GSTA4: variants seen among roughly 807,000 people sequenced by gnomAD.
GSTA4 encodes the protein glutathione S-transferase alpha 4, also known as glutathione S-transferase A4.
Under a neutral mutation model 24.4 loss-of-function variants are expected in GSTA4, and 15 were observed. That is an observed-to-expected ratio of 0.61 (90% CI 0.41 to 0.95). GSTA4 has a LOEUF of 0.95. Among genes scored for constraint, GSTA4 ranks in the 40% least tolerant of loss-of-function variants. The probability of loss-of-function intolerance (pLI) is 0.00; values close to 1 mark genes in which losing one functional copy is unlikely to be tolerated. For missense variants in GSTA4, 244 were observed against 262.1 expected (o/e 0.93, Z 0.48); for synonymous variants, 92 against 94.2 (o/e 0.98, Z 0.13).
At chr6:52,987,236 T>C in intron 3 of GSTA4, 121 bp downstream of exon 3, 1 of 660,046 alleles carries the variant, frequency 1.5e-6, no homozygotes, top group Non-Finnish European at 2.7e-6. Context: ...TCTTGCTTTT[T>C]TTGGTTTTAG....
chr6:52,982,896 A>C (rs928475313), intron 5 of GSTA4, among the ~76,000 whole-genome samples, 191 bp from the exon 6 acceptor site: 1 of 150,360 alleles, frequency 6.7e-6, no homozygotes, highest in African/African-American at 2.4e-5. Flanking sequence ...AGAGAGAGAG[A>C]GAGAGAGCGA....
Position 52,994,409 on chromosome 6 carries a change from A to G in GSTA4, c.-18-148T>C, listed in dbSNP as rs190029506. On this transcript the variant is annotated intron_variant, in intron 1 of 6. Coordinates refer to ENST00000370963, the MANE Select transcript of GSTA4 (RefSeq NM_001512.4). ...TTGCTGCATTTTCCCTCACTCAAGA[A>G]AAAAAAACCACCATTTTAAAACATG... is the stretch of plus-strand genomic sequence containing the variant. 1.5e-5 allele frequency: 8 copies of G among 549,910 alleles called. No individual in the cohort carries two copies. In the Admixed American group the frequency reaches 2.5e-4, roughly 17 times the overall value. The allele number at this position is 549,910 out of a possible 1,614,324, so 34.1% of individuals were successfully genotyped here. A position where few individuals can be genotyped will look rare whatever the true frequency, so the allele number is the denominator to read the frequency against.
chr6:52,991,801 AGG>A, intron 2 of GSTA4, among the ~76,000 whole-genome samples: 1 of 135,582 alleles, frequency 7.4e-6, no homozygotes, highest in East Asian at 2.1e-4. Flanking sequence ...TCTGTTGTCC[AGG>A]CTGGAATGCA....
intron 2 of GSTA4, among the ~76,000 whole-genome samples, chr6:52,990,194 A>T (rs963406244): frequency 1.3e-5 from 2 of 152,204 alleles, no homozygotes; most frequent in Non-Finnish European, 2.9e-5. Flanking sequence ...TGATGACTCA[A>T]ATTAAGTGAC....
rs1763387042 is a variant in GSTA4 at position 52,978,504 on chromosome 6, T to A, written c.635A>T (p.Tyr212Phe). The part of the protein sequence containing the change: ...SKKKPPPDEI[Y>F]VRTVYNIFRP ...AAAGATGTTGTAGACGGTTCTCACATAAATTTCATCAGGGGGAGGCTTCTT... is the reference window on the plus strand; with the variant it reads ...AAAGATGTTGTAGACGGTTCTCACAAAAATTTCATCAGGGGGAGGCTTCTT... The change falls in exon 7 of 7, where the codon TAT (tyrosine) becomes TTT (phenylalanine). Residue 212 changes from tyrosine (Y) to phenylalanine (F), a missense_variant. Tyr to Phe is a conservative substitution (Grantham distance 22). Transcript: ENST00000370963. 6.2e-7 allele frequency: 1 copy of A among 1,613,714 alleles called. No homozygotes were observed. Among genetic ancestry groups the A allele is most frequent in the Middle Eastern group, 1.6e-4 (1 of 6,062 alleles).
intron 6 of GSTA4, among the ~76,000 whole-genome samples, chr6:52,979,996 T>C (rs561640994): frequency 1.3e-5 from 2 of 152,332 alleles, no homozygotes; most frequent in East Asian, 1.9e-4. Flanking sequence ...AATAACCCTT[T>C]AAATTCAACA....
chr6:52,985,354 T>C (rs1763530503), intron 4 of GSTA4, 97 bp downstream of exon 4: 2 of 1,186,354 alleles, frequency 1.7e-6, no homozygotes, highest in Middle Eastern at 2.5e-4. Context: ...ACTAACTATG[T>C]AAGACATAAA....
In GSTA4 at chr6:52,984,666, A is replaced by T; in HGVS notation, c.273-61T>A. 2.1e-6 allele frequency: 3 copies of T among 1,432,892 alleles called. No homozygotes were observed. The South Asian group carries it at 3.7e-5, about 18-fold the overall frequency. 88.8% of individuals were successfully genotyped at this position (1,432,892 alleles called of 1,614,324 possible). A position where few individuals can be genotyped will look rare whatever the true frequency, so the allele number is the denominator to read the frequency against. On this transcript the variant is annotated intron_variant, in intron 4 of 6. Coordinates refer to ENST00000370963, the MANE Select transcript of GSTA4 (RefSeq NM_001512.4). ...CTCTTTGAAGCCATCAGTTTCCACA[A>T]CTAAGAATTCAGAGTGCTTTTTTTT...
At chr6:52,985,883 T>A (rs1004759121) in intron 3 of GSTA4, among the ~76,000 whole-genome samples, 1 of 152,162 alleles carries the variant, frequency 6.6e-6, no homozygotes, top group East Asian at 1.9e-4. Context: ...AAACCCCGCC[T>A]CTACTAGATA....
intron 6 of GSTA4, among the ~76,000 whole-genome samples, chr6:52,979,525 C>A (rs12524274): frequency 0.073 from 11,146 of 152,166 alleles, 437 homozygotes; most frequent in Middle Eastern, 0.12. Context: ...CAAATCTTAC[C>A]AATTCTCAGT....
intron 2 of GSTA4, among the ~76,000 whole-genome samples, chr6:52,991,422 G>A (rs1763659307): frequency 6.6e-6 from 1 of 152,116 alleles, no homozygotes; most frequent in Non-Finnish European, 1.5e-5. Context: ...CACTGAAAAC[G>A]AGACAACCCC....
At chr6:52,986,485 C>T (rs1467850000) in intron 3 of GSTA4, among the ~76,000 whole-genome samples, 3 of 152,192 alleles carry the variant, frequency 2.0e-5, no homozygotes, top group Non-Finnish European at 4.4e-5. Context: ...AGCCACAGAA[C>T]AGACCGTTTA....
At chr6:52,994,611 A>G (rs2127389306) in intron 1 of GSTA4, among the ~76,000 whole-genome samples, 1 of 152,084 alleles carries the variant, frequency 6.6e-6, no homozygotes, top group Non-Finnish European at 1.5e-5. Flanking sequence ...CAGCTGGGGG[A>G]TAGGGGGTGG....
intron 2 of GSTA4, 42 bp downstream of exon 2, chr6:52,994,115 A>C (rs1443380512): frequency 7.7e-7 from 1 of 1,303,738 alleles, no homozygotes; most frequent in Admixed American, 1.7e-5. Context: ...AAGGTCTCAA[A>C]AGCTGTATGA....
In GSTA4 at chr6:52,981,996, C is replaced by G. The variant is rs187667014; in HGVS notation, c.546+578G>C. On this transcript the variant is annotated intron_variant, in intron 6 of 6. Coordinates refer to ENST00000370963, the MANE Select transcript of GSTA4 (RefSeq NM_001512.4). ...TAACATCTCTCATTTGCTCTCAGAG[C>G]TCAGGCTTAGAATTTCCTAACTTGA... Among the ~76,000 whole-genome samples the G allele has an allele frequency of 1.0e-3, 154 of 152,294 alleles. 1 individual carries two copies. Among genetic ancestry groups the G allele is most frequent in the Non-Finnish European group, 1.5e-3 (101 of 68,028 alleles).
chr6:52,991,116 G>A (rs1023222243), intron 2 of GSTA4, among the ~76,000 whole-genome samples: 1 of 152,208 alleles, frequency 6.6e-6, no homozygotes, highest in Admixed American at 6.5e-5. Flanking sequence ...GAGGTTGCTA[G>A]GGCAACAACG....
intron 2 of GSTA4, chr6:52,987,705 G>T: frequency 3.9e-6 from 1 of 257,494 alleles, no homozygotes; most frequent in Non-Finnish European, 7.4e-6. Flanking sequence ...CTAGACAGAA[G>T]AAATAAAATC....
At chr6:52,988,078 A>G (rs1763596444) in intron 2 of GSTA4, 2 of 152,200 alleles carry the variant, frequency 1.3e-5, no homozygotes, top group South Asian at 4.1e-4. Context: ...TGCCCCCTAA[A>G]AGGAACTAGG....
chr6:52,987,496 C>T (rs1763585222), intron 2 of GSTA4, 88 bp from the exon 3 acceptor site: 2 of 715,212 alleles, frequency 2.8e-6, no homozygotes, highest in Non-Finnish European at 4.9e-6. Context: ...TTCAGCAACA[C>T]CAACAGAAAC....
Sources: allele counts gnomAD v4.1 joint callset (sites outside exome capture counted in the v4.1 genomes callset), GRCh38; gene constraint gnomAD v4.1.1; transcripts MANE v1.5; gene names NCBI Gene and HGNC (gene_info 2026-07-23, HGNC 2026-07-21).